SLIT2: variants seen among roughly 807,000 people sequenced by gnomAD.
The protein encoded by SLIT2 is slit guidance ligand 2.
A neutral mutation model predicts 185.7 loss-of-function variants in SLIT2; 41 were observed. The ratio of observed to expected loss-of-function variants is 0.22; its 90% CI spans 0.17 to 0.29. SLIT2 has a LOEUF of 0.29. Among genes scored for constraint, SLIT2 ranks in the 10% least tolerant of loss-of-function variants. The pLI is 1.00. For missense variants in SLIT2, 1,571 were observed against 1,909.0 expected, an observed-to-expected ratio of 0.82 and a Z score of 3.30; for synonymous variants, 693 against 680.2, an observed-to-expected ratio of 1.02 and a Z score of -0.29.
intron 4 of SLIT2, among the ~76,000 whole-genome samples, chr4:20,336,536 T>G (rs1185067880): frequency 6.6e-6 from 1 of 151,614 alleles, no homozygotes; most frequent in Non-Finnish European, 1.5e-5. Context: ...TCTCATGGAG[T>G]TGGGGGAGGG....
intron 4 of SLIT2, among the ~76,000 whole-genome samples, chr4:20,450,551 A>G (rs946891587): frequency 1.3e-5 from 2 of 152,210 alleles, no homozygotes; most frequent in African/African-American, 4.8e-5. Context: ...ACAAGACCAT[A>G]TCCTATTTTT....
intron 19 of SLIT2, 139 bp downstream of exon 19, chr4:20,539,723 A>C (rs1230322032): frequency 2.1e-6 from 1 of 486,542 alleles, no homozygotes; most frequent in Non-Finnish European, 3.4e-6. Context: ...TGTTCACATC[A>C]AATTTATTTA....
intron 30 of SLIT2, among the ~76,000 whole-genome samples, chr4:20,593,310 A>G (rs1318993349): frequency 6.6e-6 from 1 of 152,148 alleles, no homozygotes; most frequent in African/African-American, 2.4e-5. Context: ...GGAAAATAAC[A>G]CTTACAGAGA....
intron 4 of SLIT2, among the ~76,000 whole-genome samples, chr4:20,319,817 A>C (rs973689564): frequency 9.9e-5 from 15 of 151,986 alleles, no homozygotes; most frequent in African/African-American, 2.2e-4. Context: ...AAAACAAAAA[A>C]AAAACAAAAA....
At chr4:20,371,979 A>C (rs143774166) in intron 4 of SLIT2, among the ~76,000 whole-genome samples, 361 of 152,224 alleles carry the variant, frequency 2.4e-3, no homozygotes, top group Non-Finnish European at 3.9e-3. Flanking sequence ...ATTCTGTGCA[A>C]TATGTTTTTA....
At chr4:20,590,433 A>G (rs958172773) in intron 30 of SLIT2, among the ~76,000 whole-genome samples, 3 of 152,180 alleles carry the variant, frequency 2.0e-5, no homozygotes, top group African/African-American at 7.2e-5. Flanking sequence ...TGAAGATGTT[A>G]CGGTCTGAAA....
chr4:20,283,333 T>G (rs1714971358), intron 4 of SLIT2, among the ~76,000 whole-genome samples: 1 of 152,174 alleles, frequency 6.6e-6, no homozygotes, highest in African/African-American at 2.4e-5. Flanking sequence ...TTTCTCACTC[T>G]ATAGAGAGGG....
chr4:20,383,397 T>C, intron 4 of SLIT2, among the ~76,000 whole-genome samples: 1 of 152,090 alleles, frequency 6.6e-6, no homozygotes, highest in East Asian at 1.9e-4. Flanking sequence ...AATGACTCAA[T>C]AAACCAGTGG....
rs1724012751 is a variant in SLIT2, at chr4:20,553,942, C to T, written c.2699C>T (p.Thr900Ile). 1.9e-6 allele frequency: 3 copies of T among 1,602,258 alleles called. No individual in the cohort carries two copies. Among genetic ancestry groups the T allele is most frequent in the Non-Finnish European group, 2.5e-6 (3 of 1,176,584 alleles). The change falls in exon 26 of 37, where the codon ACT becomes ATT. Residue 900 changes from threonine (T) to isoleucine (I), a missense_variant. This residue lies in a region of SLIT2 where 1,202 missense variants were observed against 1,416.4 expected (regional missense o/e 0.85). Transcript: ENST00000504154. ...GEMADKLLLT[T>I]PSKKFTCQGP... The stretch of plus-strand genomic sequence containing the variant: ...ATGGCAGATAAACTTTTACTCACAA[C>T]TCCCTCCAAAAAATTTACCTGTCAA...
At chr4:20,291,974 C>T (rs1359938625) in intron 4 of SLIT2, among the ~76,000 whole-genome samples, 1 of 150,338 alleles carries the variant, frequency 6.7e-6, no homozygotes, top group Non-Finnish European at 1.5e-5. Context: ...TCAGGTGTTC[C>T]TGCGTATGTG....
At chr4:20,350,382 G>A (rs1721773417) in intron 4 of SLIT2, among the ~76,000 whole-genome samples, 1 of 151,706 alleles carries the variant, frequency 6.6e-6, no homozygotes, top group Non-Finnish European at 1.5e-5. Flanking sequence ...CCCAAAGCAT[G>A]AGCAAATTCT....
intron 4 of SLIT2, among the ~76,000 whole-genome samples, chr4:20,358,184 G>T (rs767408478): frequency 6.6e-6 from 1 of 152,008 alleles, no homozygotes; most frequent in Non-Finnish European, 1.5e-5. Flanking sequence ...GTGTCCCTTA[G>T]GATAGATTAC....
rs1716983682 is a variant in SLIT2, at chr4:20,484,217, C to T, written c.540-1983C>T. ...AAGTCATATTTCAGAATGCTATATA[C>T]TATAAAGATTTTAGCCATATTAAGT... On this transcript the variant is annotated intron_variant, in intron 6 of 36. Coordinates refer to ENST00000504154, the MANE Select transcript of SLIT2 (RefSeq NM_004787.4). The surrounding 1 kb of genome is among the most constrained non-coding windows in gnomAD (Gnocchi z 4.3). 6.6e-6 allele frequency among the ~76,000 whole-genome samples: 1 copy of T among 151,930 alleles called. No homozygotes were observed. The highest frequency in any genetic ancestry group is 2.4e-5 in the African/African-American group (1 of 41,376).
chr4:20,495,771 G>T (rs1393776714), intron 9 of SLIT2, among the ~76,000 whole-genome samples: 1 of 152,046 alleles, frequency 6.6e-6, no homozygotes, highest in Non-Finnish European at 1.5e-5. Flanking sequence ...AGAGCATCTG[G>T]TAATAAATAA....
chr4:20,256,659 GT>G lies in SLIT2; in HGVS notation c.180-8del. 6.9e-7 allele frequency: 1 copy of G among 1,459,832 alleles called. No individual in the cohort carries two copies. The allele number at this position is 1,459,832 out of a possible 1,614,324, so 90.4% of individuals were successfully genotyped here. A position where few individuals can be genotyped will look rare whatever the true frequency, so the allele number is the denominator to read the frequency against. ...AATAAAATGGAACTTTCACTTTCTG[GT>G]TTTTCTCTTAGGGATTTAAATGGAA... On this transcript the variant is annotated splice_polypyrimidine_tract_variant and intron_variant, in intron 1 of 36. Transcript: ENST00000504154.
intron 12 of SLIT2, among the ~76,000 whole-genome samples, chr4:20,521,630 G>A (rs997439121): frequency 8.5e-5 from 13 of 152,256 alleles, no homozygotes; most frequent in African/African-American, 3.1e-4. Context: ...AGGGAGGAGA[G>A]GTGTGGGGTT....
chr4:20,257,340 A>G lies in SLIT2; in HGVS notation c.252-528A>G, dbSNP rs187609130. Among the ~76,000 whole-genome samples the G allele has an allele frequency of 1.1e-4, 16 of 152,194 alleles. 1 individual carries two copies. The highest frequency in any genetic ancestry group is 5.9e-4 in the Admixed American group (9 of 15,294). On this transcript the variant is annotated intron_variant, in intron 2 of 36. Coordinates refer to ENST00000504154, the MANE Select transcript of SLIT2 (RefSeq NM_004787.4). ...TAAACCACCACTTGCGAGTCAATGT[A>G]ATGTTAAATTGTTCTCACCCACAGG...
At chr4:20,276,441 A>G (rs961264879) in intron 4 of SLIT2, among the ~76,000 whole-genome samples, 1 of 152,200 alleles carries the variant, frequency 6.6e-6, no homozygotes, top group Admixed American at 6.5e-5. Context: ...AGCAGTGAAG[A>G]GTAAAAAGAC....
chr4:20,260,491 T>G (rs1190931505), intron 3 of SLIT2, among the ~76,000 whole-genome samples: 2 of 151,864 alleles, frequency 1.3e-5, no homozygotes, highest in Non-Finnish European at 3.0e-5. Flanking sequence ...TTTATTCTTG[T>G]GTAATTTATG....
Sources: gnomAD v4.1 joint callset for allele counts (sites outside exome capture counted in the v4.1 genomes callset) on GRCh38, gnomAD v4.1.1 for gene constraint, gnomAD v4.1.1 regional missense constraint, Gnocchi (gnomAD v3.1) non-coding constraint, MANE v1.5 for transcripts, NCBI Gene and HGNC (gene_info 2026-07-23, HGNC 2026-07-21) for gene names.